NPLOC4: variants seen among roughly 807,000 people sequenced by gnomAD.
NPLOC4 encodes NPL4 homolog, ubiquitin recognition factor, also known as nuclear protein localization protein 4 homolog.
In NPLOC4, 18 loss-of-function variants were observed where a neutral mutation model predicts 80.6. The ratio of observed to expected loss-of-function variants is 0.22; its 90% CI spans 0.15 to 0.33. The LOEUF (loss-of-function observed/expected upper bound fraction) is 0.33, where lower values mean the gene tolerates loss of function less well. Ranked by LOEUF, NPLOC4 falls within the 10% of genes least tolerant of loss-of-function variation. NPLOC4 has a pLI of 1.00. For missense variants in NPLOC4, 540 were observed against 786.1 expected (o/e 0.69, Z 3.74); for synonymous variants, 313 against 301.5 (o/e 1.04, Z -0.39).
intron 8 of NPLOC4, among the ~76,000 whole-genome samples, chr17:81,602,393 T>G (rs756887145): frequency 3.3e-5 from 5 of 150,392 alleles, no homozygotes; most frequent in Non-Finnish European, 4.4e-5. Flanking sequence ...AAAAAAAAAA[T>G]TAAACAATTA....
intron 11 of NPLOC4, among the ~76,000 whole-genome samples, chr17:81,594,304 A>C (rs915408202): frequency 6.9e-5 from 10 of 144,608 alleles, no homozygotes; most frequent in Non-Finnish European, 1.5e-4. Context: ...AAAAAAAAAA[A>C]CTGACTCAAC....
intron 2 of NPLOC4, among the ~76,000 whole-genome samples, chr17:81,626,650 T>C (rs978163100): frequency 1.3e-5 from 2 of 152,072 alleles, no homozygotes; most frequent in Non-Finnish European, 2.9e-5. Context: ...CTAGACAACA[T>C]GGTGAAACCC....
chr17:81,629,787 G>C lies in NPLOC4; in HGVS notation c.34C>G (p.Pro12Ala), dbSNP rs775727134. ...GCTGTGATCCGCTTCACTCCATCCG[G>C]GGACTGGACACGAATTATCTGTTGC... ...AESIIIRVQSPDGVKRITATK... is the reference protein window; with the variant it reads ...AESIIIRVQSADGVKRITATK... The change falls in exon 2 of 17, where the codon CCG (proline) becomes GCG (alanine). Residue 12 changes from proline (P) to alanine (A), a missense_variant. Pro to Ala is a conservative substitution (Grantham distance 27, BLOSUM62 -1). Coordinates refer to ENST00000331134, the MANE Select transcript of NPLOC4 (RefSeq NM_017921.4). 6.2e-7 allele frequency: 1 copy of C among 1,613,522 alleles called. No homozygotes were observed.
At chr17:81,587,117 AT>A (rs1164154895) in intron 12 of NPLOC4, among the ~76,000 whole-genome samples, 11 of 152,224 alleles carry the variant, frequency 7.2e-5, no homozygotes, top group Non-Finnish European at 1.6e-4. Flanking sequence ...TAGAAAAAAA[AT>A]CAATCAATTA....
intron 15 of NPLOC4, 96 bp from the exon 16 acceptor site, chr17:81,565,703 T>C: frequency 1.1e-6 from 1 of 898,502 alleles, no homozygotes. Flanking sequence ...TCAAGACGTA[T>C]TTCTGAGGAC....
intron 12 of NPLOC4, among the ~76,000 whole-genome samples, chr17:81,575,090 A>G (rs1417134384): frequency 2.6e-5 from 4 of 152,124 alleles, no homozygotes; most frequent in Admixed American, 2.6e-4. Flanking sequence ...CAAAGCTTTC[A>G]GACACTCGGT....
At chr17:81,630,997 A>AC (rs576837907) in intron 1 of NPLOC4, among the ~76,000 whole-genome samples, 10 of 151,950 alleles carry the variant, frequency 6.6e-5, no homozygotes, top group Non-Finnish European at 1.2e-4. Flanking sequence ...ACATGGTGAA[A>AC]CCCCGTCTCT....
chr17:81,588,933 C>A lies in NPLOC4; in HGVS notation c.1281+11G>T, dbSNP rs777459214. Reference sequence around the variant, plus strand: ...CCATGTACAGAGTTCTTTTTCTTACCATACTTTTACCTTATAAAACACATC... The same window carrying A: ...CCATGTACAGAGTTCTTTTTCTTACAATACTTTTACCTTATAAAACACATC... On this transcript the variant is annotated intron_variant, in intron 12 of 16. Coordinates refer to ENST00000331134, the MANE Select transcript of NPLOC4 (RefSeq NM_017921.4). 1 of 1,607,186 alleles carries A rather than the reference C, an allele frequency of 6.2e-7. No homozygotes were observed. Among genetic ancestry groups the A allele is most frequent in the South Asian group, 1.1e-5 (1 of 90,108 alleles).
chr17:81,621,161 C>A (rs2035656330), intron 3 of NPLOC4, among the ~76,000 whole-genome samples: 1 of 151,936 alleles, frequency 6.6e-6, no homozygotes, highest in Admixed American at 6.6e-5. Flanking sequence ...TATCAAGATG[C>A]AAAACCCCTC....
At chr17:81,626,084 G>A (rs2035787276) in intron 2 of NPLOC4, among the ~76,000 whole-genome samples, 1 of 151,702 alleles carries the variant, frequency 6.6e-6, no homozygotes, top group African/African-American at 2.4e-5. Flanking sequence ...GGGAGGTGGA[G>A]GTTGCAGTGG....
intron 16 of NPLOC4, 38 bp from the exon 17 acceptor site, chr17:81,559,454 G>C (rs374544964): frequency 4.4e-6 from 7 of 1,576,008 alleles, no homozygotes; most frequent in Non-Finnish European, 6.0e-6. Context: ...CATCATTTCT[G>C]GCCCACCAGA....
chr17:81,611,826 G>A (rs963671965), intron 4 of NPLOC4, among the ~76,000 whole-genome samples: 15 of 151,878 alleles, frequency 9.9e-5, no homozygotes, highest in African/African-American at 3.6e-4. Flanking sequence ...CAGGCGTGGT[G>A]GCGGGCGCCT....
chr17:81,589,438 A>AGAATGGCGT (rs1422054396), intron 11 of NPLOC4, among the ~76,000 whole-genome samples: 3 of 151,774 alleles, frequency 2.0e-5, no homozygotes, highest in African/African-American at 4.8e-5. Flanking sequence ...CTGAGGCAGG[A>AGAATGGCGT]GAATGGCGTG....
At chr17:81,595,471 G>C (rs1415791648) in intron 11 of NPLOC4, among the ~76,000 whole-genome samples, 1 of 144,782 alleles carries the variant, frequency 6.9e-6, no homozygotes, top group African/African-American at 2.5e-5. Context: ...TTTTGAGATG[G>C]AGTTTCACTC....
chr17:81,591,357 C>T (rs1015512774), intron 11 of NPLOC4, among the ~76,000 whole-genome samples: 1 of 148,588 alleles, frequency 6.7e-6, no homozygotes, highest in South Asian at 2.1e-4. Flanking sequence ...ATCGCTTGAC[C>T]CCAGGTAGCA....
At chr17:81,604,471 G>A (rs2035145202) in intron 8 of NPLOC4, 77 bp downstream of exon 8, 3 of 1,362,254 alleles carry the variant, frequency 2.2e-6, no homozygotes, top group South Asian at 2.7e-5. Context: ...AGCGAACAGG[G>A]CAAGGCCTCT....
At chr17:81,591,044 T>C (rs2034724123) in intron 11 of NPLOC4, among the ~76,000 whole-genome samples, 1 of 152,112 alleles carries the variant, frequency 6.6e-6, no homozygotes, top group Non-Finnish European at 1.5e-5. Context: ...GTGGCATAAA[T>C]GACACTGAAA....
At chr17:81,626,720 C>T (rs1197125737) in intron 2 of NPLOC4, among the ~76,000 whole-genome samples, 1 of 152,064 alleles carries the variant, frequency 6.6e-6, no homozygotes, top group Non-Finnish European at 1.5e-5. Flanking sequence ...ATCGTTTGAG[C>T]CCGGGAAGTC....
intron 7 of NPLOC4, among the ~76,000 whole-genome samples, chr17:81,606,365 G>A (rs1181976166): frequency 6.6e-6 from 1 of 152,082 alleles, no homozygotes; most frequent in African/African-American, 2.4e-5. Context: ...GCTCAGAGCT[G>A]GTCCAAGGGG....
Sources: allele counts gnomAD v4.1 joint callset (sites outside exome capture counted in the v4.1 genomes callset), GRCh38; gene constraint gnomAD v4.1.1; transcripts MANE v1.5; gene names NCBI Gene and HGNC (gene_info 2026-07-23, HGNC 2026-07-21).